The following ARHGEF4 variants were observed in gnomAD, a reference collection of about 807,000 sequenced individuals.
The protein encoded by ARHGEF4 is APC-stimulated guanine nucleotide exchange factor 1.
ARHGEF4 carries 119 observed loss-of-function variants against 162.0 expected under a neutral mutation model. The observed-to-expected ratio is 0.73, with a 90% CI of 0.63 to 0.86. The LOEUF is 0.86. ARHGEF4 is among the 40% of genes least tolerant of loss of function. The pLI, the probability that ARHGEF4 is intolerant of heterozygous loss-of-function variation, is 0.00. For synonymous variants in ARHGEF4, 1,014 were observed against 979.9 expected, an observed-to-expected ratio of 1.03 and a Z score of -0.65; for missense variants, 2,488 against 2,456.0, an observed-to-expected ratio of 1.01 and a Z score of -0.28.
intron 4 of ARHGEF4, among the ~76,000 whole-genome samples, chr2:130,976,918 GGTGT>G (rs1685757990): frequency 6.6e-6 from 1 of 151,830 alleles, no homozygotes. Flanking sequence ...TGGTGTGTAT[GGTGT>G]GTTAGTATGT....
intron 1 of ARHGEF4, among the ~76,000 whole-genome samples, chr2:130,843,850 C>G (rs547240970): frequency 6.6e-6 from 1 of 152,324 alleles, no homozygotes; most frequent in Non-Finnish European, 1.5e-5. Flanking sequence ...CCCAGGGGGG[C>G]CCTGAATCCA....
chr2:130,986,996 A>G (rs570470016), intron 4 of ARHGEF4, among the ~76,000 whole-genome samples: 2 of 152,322 alleles, frequency 1.3e-5, no homozygotes. Context: ...ACAGCAAGCC[A>G]ACGCTGGCTC....
intron 1 of ARHGEF4, among the ~76,000 whole-genome samples, chr2:130,838,395 C>G (rs1410925949): frequency 6.6e-6 from 1 of 152,084 alleles, no homozygotes; most frequent in Non-Finnish European, 1.5e-5. Flanking sequence ...CGCCTGAGGT[C>G]ACGAGTTCGA....
At chr2:130,895,644 G>A (rs1680109151) in intron 1 of ARHGEF4, among the ~76,000 whole-genome samples, 1 of 152,052 alleles carries the variant, frequency 6.6e-6, no homozygotes, top group Non-Finnish European at 1.5e-5. Flanking sequence ...TATCTTTTTT[G>A]TTTAAGTGTT....
intron 1 of ARHGEF4, among the ~76,000 whole-genome samples, chr2:130,869,140 T>C (rs539298500): frequency 6.6e-6 from 1 of 152,176 alleles, no homozygotes; most frequent in East Asian, 1.9e-4. Context: ...CAGATTTTGA[T>C]TGGAGGGAGT....
chr2:130,937,642 C>T (rs576331797), intron 3 of ARHGEF4, among the ~76,000 whole-genome samples: 160 of 150,730 alleles, frequency 1.1e-3, no homozygotes, highest in Non-Finnish European at 2.2e-3. Context: ...CTGAGTGGGC[C>T]ATACTTTCTT....
chr2:131,008,813 A>G (rs911578845), intron 4 of ARHGEF4, among the ~76,000 whole-genome samples: 1 of 152,186 alleles, frequency 6.6e-6, no homozygotes, highest in African/African-American at 2.4e-5. Flanking sequence ...TTGCATATGT[A>G]TAATTTCATT....
rs190915915 is a variant in ARHGEF4, at chr2:130,878,540, C to T, written c.40-35446C>T. 3.5e-4 allele frequency among the ~76,000 whole-genome samples: 54 copies of T among 152,300 alleles called. No individual in the cohort carries two copies. In the East Asian group the frequency reaches 6.2e-3, roughly 17 times the overall value. On this transcript the variant is annotated intron_variant, in intron 1 of 13. Coordinates refer to ENST00000409359, the MANE Select transcript of ARHGEF4 (RefSeq NM_001367493.1). ...AGTCCCTTCCTTTATGGCAAGCCTG[C>T]TCTTTGTTCTGGAAGGAGACATTAC...
chr2:130,943,749 A>G (rs912892805), intron 3 of ARHGEF4, among the ~76,000 whole-genome samples: 1 of 152,148 alleles, frequency 6.6e-6, no homozygotes, highest in African/African-American at 2.4e-5. Flanking sequence ...TGTTGTTGTC[A>G]TGTATATTAA....
In ARHGEF4 at chr2:130,860,582, C is replaced by T. The variant is rs1432232717; in HGVS notation, c.39+23590C>T. ...AAAATTAGCTGGGCATGGTGGCGGG[C>T]GCCTGTAGTCCCAGCTACTCGGGAG... On this transcript the variant is annotated intron_variant, in intron 1 of 13. Coordinates refer to ENST00000409359, the MANE Select transcript of ARHGEF4 (RefSeq NM_001367493.1). Among the ~76,000 whole-genome samples the T allele has an allele frequency of 8.8e-5, 10 of 113,376 alleles. 2 individuals are homozygous for T. The South Asian group carries it at 1.2e-3, about 14-fold the overall frequency. 74.4% of individuals were successfully genotyped at this position (113,376 alleles called of 152,430 possible).
intron 1 of ARHGEF4, among the ~76,000 whole-genome samples, chr2:130,890,539 G>A (rs2104987135): frequency 6.6e-6 from 1 of 150,794 alleles, no homozygotes; most frequent in African/African-American, 2.5e-5. Context: ...TCCAGCCTGG[G>A]TGATAGAGCG....
intron 4 of ARHGEF4, among the ~76,000 whole-genome samples, chr2:131,027,712 T>G (rs1017122633): frequency 6.6e-6 from 1 of 152,212 alleles, no homozygotes. Context: ...GCCAAGTTGC[T>G]GTAGACTGGG....
chr2:130,937,529 C>T (rs1455437541), intron 3 of ARHGEF4, among the ~76,000 whole-genome samples: 1 of 152,062 alleles, frequency 6.6e-6, no homozygotes, highest in Non-Finnish European at 1.5e-5. Flanking sequence ...TTTTGTTTCA[C>T]TTAGCTCTTT....
At position 131,040,333 on chromosome 2, in the gene ARHGEF4, A is replaced by C. The variant is rs764357966; in HGVS notation, c.4555A>C (p.Ile1519Leu). 6.2e-7 allele frequency: 1 copy of C among 1,612,690 alleles called. No homozygotes were observed. Among genetic ancestry groups the C allele is most frequent in the South Asian group, 1.1e-5 (1 of 91,014 alleles). ...EEQLRTIFGN[I>L]EDIYRCQKAF... Reference sequence around the variant, plus strand: ...GCAGCTGCGTACCATCTTCGGGAACATCGAGGACATCTACCGCTGCCAGAA... The same window carrying C: ...GCAGCTGCGTACCATCTTCGGGAACCTCGAGGACATCTACCGCTGCCAGAA... The change falls in exon 8 of 14, where the codon ATC becomes CTC. Residue 1519 changes from isoleucine to leucine, a missense_variant. By Grantham distance (5) the Ile-to-Leu change is conservative. Transcript: ENST00000409359.
intron 1 of ARHGEF4, among the ~76,000 whole-genome samples, chr2:130,841,141 T>C (rs1268851679): frequency 6.6e-6 from 1 of 152,160 alleles, no homozygotes; most frequent in East Asian, 1.9e-4. Flanking sequence ...TTCAGCTCAC[T>C]GCAACCTCCG....
chr2:130,915,672 C>A lies in ARHGEF4; in HGVS notation c.1726C>A (p.Pro576Thr). The change falls in exon 2 of 14, where the codon CCC (proline) becomes ACC (threonine). Residue 576 changes from proline (P) to threonine (T), a missense_variant. Physicochemically the swap from Pro to Thr is conservative, Grantham distance 38. Coordinates refer to ENST00000409359, the MANE Select transcript of ARHGEF4 (RefSeq NM_001367493.1). Reference sequence around the variant, plus strand: ...AGCCGAAGAAGCCATGGTTCTAGACCCCAACTACAGGGAACAGGCTTTGCA... The same window carrying A: ...AGCCGAAGAAGCCATGGTTCTAGACACCAACTACAGGGAACAGGCTTTGCA... ...KAAEEAMVLD[P>T]NYREQALQGL... The A allele has an allele frequency of 6.5e-7, 1 of 1,550,372 alleles. No homozygotes were observed. Among genetic ancestry groups the A allele is most frequent in the South Asian group, 1.2e-5 (1 of 84,026 alleles).
chr2:130,957,010 AAAGTGTTGTACCCT>A (rs1168437733), intron 4 of ARHGEF4, among the ~76,000 whole-genome samples: 7 of 152,242 alleles, frequency 4.6e-5, no homozygotes, highest in Admixed American at 4.6e-4. Flanking sequence ...CATAAAAAAT[AAAGTGTTGTACCCT>A]AAGAAAAAAG....
intron 1 of ARHGEF4, among the ~76,000 whole-genome samples, chr2:130,903,505 A>G (rs1296486865): frequency 6.6e-6 from 1 of 152,130 alleles, no homozygotes; most frequent in East Asian, 1.9e-4. Flanking sequence ...TGATCCACCA[A>G]TCTTGGCCTC....
chr2:131,032,369 G>C (rs1030855075), intron 5 of ARHGEF4, among the ~76,000 whole-genome samples: 1 of 152,018 alleles, frequency 6.6e-6, no homozygotes, highest in African/African-American at 2.4e-5. Flanking sequence ...ACTCGCTCCA[G>C]GTGTTTTTGT....
Sources: gnomAD v4.1 joint callset for allele counts (sites outside exome capture counted in the v4.1 genomes callset) on GRCh38, gnomAD v4.1.1 for gene constraint, MANE v1.5 for transcripts, NCBI Gene and HGNC (gene_info 2026-07-23, HGNC 2026-07-21) for gene names.